Variants in RBFOX2 observed in about 807,000 individuals in gnomAD.
RBFOX2 encodes the protein RNA binding fox-1 homolog 2.
In RBFOX2, 10 loss-of-function variants were observed where a neutral mutation model predicts 49.1. That is an observed-to-expected ratio of 0.20 (90% CI 0.13 to 0.35). RBFOX2 has a LOEUF of 0.35. Among genes scored for constraint, RBFOX2 ranks in the 10% least tolerant of loss-of-function variants. The pLI is 1.00. For synonymous variants in RBFOX2, 183 were observed against 187.4 expected, an observed-to-expected ratio of 0.98 and a Z score of 0.19; for missense variants, 323 against 486.9, an observed-to-expected ratio of 0.66 and a Z score of 3.17.
At chr22:35,841,906 GT>G, upstream of RBFOX2, among the ~76,000 whole-genome samples, 1 of 152,112 alleles carries the variant, frequency 6.6e-6, no homozygotes, top group Non-Finnish European at 1.5e-5. Flanking sequence ...AAAATGTTCT[GT>G]ATTGGCCAGG....
chr22:35,840,631 C>CATGT (rs1556025816), upstream of RBFOX2: 20 of 1,006,578 alleles, frequency 2.0e-5, no homozygotes, highest in Middle Eastern at 9.6e-4. Context: ...TGCGTGTGTG[C>CATGT]GTGTGTGTGT....
intron 1 of RBFOX2, among the ~76,000 whole-genome samples, chr22:35,966,847 C>G (rs2056588466): frequency 6.6e-6 from 1 of 152,070 alleles, no homozygotes; most frequent in Non-Finnish European, 1.5e-5. Flanking sequence ...GGGTCTTGCT[C>G]TGTTGCCCAG....
At chr22:35,953,081 G>T (rs2149862894) in intron 1 of RBFOX2, among the ~76,000 whole-genome samples, 1 of 151,808 alleles carries the variant, frequency 6.6e-6, no homozygotes, top group African/African-American at 2.4e-5. Flanking sequence ...CCTGGTGGCG[G>T]GTGCCTGTAG....
chr22:35,950,353 C>T (rs2054781158), intron 1 of RBFOX2, among the ~76,000 whole-genome samples: 1 of 152,050 alleles, frequency 6.6e-6, no homozygotes, highest in Admixed American at 6.6e-5. Flanking sequence ...AAGCTTTACC[C>T]ATAGAGGACA....
upstream of RBFOX2, among the ~76,000 whole-genome samples, chr22:35,964,565 T>G (rs2056446559): frequency 6.6e-6 from 1 of 152,224 alleles, no homozygotes; most frequent in Admixed American, 6.5e-5. Context: ...ATGCCTACAC[T>G]GGCCCAGTTA....
intron 1 of RBFOX2, among the ~76,000 whole-genome samples, chr22:35,985,640 T>C (rs887060316): frequency 6.6e-6 from 1 of 152,214 alleles, no homozygotes; most frequent in Non-Finnish European, 1.5e-5. Context: ...AGGCCTATAG[T>C]TTGCAACCTC....
chr22:35,876,320 G>C (rs2045082014), intron 1 of RBFOX2, among the ~76,000 whole-genome samples: 1 of 151,984 alleles, frequency 6.6e-6, no homozygotes, highest in South Asian at 2.1e-4. Flanking sequence ...CCACCTCCCA[G>C]GATCAAGGTA....
chr22:35,745,143 T>A, intron 11 of RBFOX2, among the ~76,000 whole-genome samples: 1 of 152,222 alleles, frequency 6.6e-6, no homozygotes, highest in East Asian at 1.9e-4. Flanking sequence ...CATTTTACAT[T>A]TCATTCTGTC....
chr22:35,810,044 T>C, intron 1 of RBFOX2, 40 bp from the exon 3 acceptor site: 1 of 1,587,760 alleles, frequency 6.3e-7, no homozygotes, highest in Non-Finnish European at 8.6e-7. Context: ...TGACTTTGAA[T>C]CCTTGTTACG....
chr22:35,896,428 G>C (rs1026080254), intron 1 of RBFOX2, among the ~76,000 whole-genome samples: 3 of 152,098 alleles, frequency 2.0e-5, no homozygotes, highest in Non-Finnish European at 4.4e-5. Flanking sequence ...GCTGCCTCAG[G>C]GTTTTGGCTC....
intron 1 of RBFOX2, among the ~76,000 whole-genome samples, chr22:35,810,806 C>A (rs1951730562): frequency 1.3e-5 from 2 of 152,168 alleles, no homozygotes; most frequent in South Asian, 4.1e-4. Context: ...ATCATCACCA[C>A]AATCAAGATA....
At chr22:35,862,927 G>A (rs5750187) in intron 1 of RBFOX2, among the ~76,000 whole-genome samples, 11,841 of 152,080 alleles carry the variant, frequency 0.078, 487 homozygotes, top group South Asian at 0.087. Flanking sequence ...CATTGCTGTC[G>A]TCGTCATCAT....
intron 2 of RBFOX2, among the ~76,000 whole-genome samples, chr22:35,799,167 T>C (rs1429604069): frequency 1.3e-5 from 2 of 152,370 alleles, no homozygotes; most frequent in East Asian, 3.9e-4. Context: ...TTAGAATATG[T>C]ACACAAATAT....
Position 36,016,791 on chromosome 22 carries a change from G to A in RBFOX2, c.186+11449C>T, listed in dbSNP as rs565242398. ...CAAGAATGTCATCTACTTCATAAGT[G>A]GTATTTATCATGTGTCCTGTGCCTT... On this transcript the variant is annotated intron_variant, in intron 1 of 13. Coordinates refer to the RBFOX2 transcript ENST00000438146. 8.5e-5 allele frequency among the ~76,000 whole-genome samples: 13 copies of A among 152,292 alleles called. No homozygotes were observed. The East Asian group carries it at 1.7e-3, about 20-fold the overall frequency.
intron 1 of RBFOX2, among the ~76,000 whole-genome samples, chr22:36,004,742 G>A (rs978610704): frequency 1.3e-5 from 2 of 151,964 alleles, no homozygotes; most frequent in Non-Finnish European, 2.9e-5. Flanking sequence ...GTTGCAGTGA[G>A]CCAAGATCAC....
At chr22:35,856,186 T>C (rs952362179) in intron 1 of RBFOX2, among the ~76,000 whole-genome samples, 1 of 152,022 alleles carries the variant, frequency 6.6e-6, no homozygotes, top group African/African-American at 2.4e-5. Flanking sequence ...ATCATGAGAT[T>C]TGTAAGGTTT....
chr22:35,881,730 G>A (rs1410407802), intron 1 of RBFOX2, among the ~76,000 whole-genome samples: 3 of 152,086 alleles, frequency 2.0e-5, no homozygotes, highest in Non-Finnish European at 2.9e-5. Flanking sequence ...GGAGGCCGAG[G>A]CGGGTGGATC....
At chr22:36,015,515 C>T (rs934389375) in intron 1 of RBFOX2, among the ~76,000 whole-genome samples, 1 of 152,182 alleles carries the variant, frequency 6.6e-6, no homozygotes, top group Admixed American at 6.5e-5. Flanking sequence ...AGAAGCAAAC[C>T]AATGAGTTAA....
At chr22:35,758,521 T>G (rs1937584024) in intron 9 of RBFOX2, among the ~76,000 whole-genome samples, 1 of 152,248 alleles carries the variant, frequency 6.6e-6, no homozygotes, top group Admixed American at 6.5e-5. Context: ...ATGTTTCATT[T>G]GAGTATTTCT....
Sources: allele counts gnomAD v4.1 joint callset (sites outside exome capture counted in the v4.1 genomes callset), GRCh38; gene constraint gnomAD v4.1.1; transcripts MANE v1.5; gene names NCBI Gene and HGNC (gene_info 2026-07-23, HGNC 2026-07-21).